Variants in GABRA3 observed in about 807,000 individuals in gnomAD.
GABRA3 encodes the protein gamma-aminobutyric acid receptor subunit alpha-3.
GABRA3 carries 10 observed loss-of-function variants against 30.1 expected under a neutral mutation model. The ratio of observed to expected loss-of-function variants is 0.33; its 90% CI spans 0.20 to 0.56. The LOEUF (loss-of-function observed/expected upper bound fraction) is 0.56, where lower values mean the gene tolerates loss of function less well. Ranked by LOEUF, GABRA3 falls within the 20% of genes least tolerant of loss-of-function variation. The pLI, the probability that GABRA3 is intolerant of heterozygous loss-of-function variation, is 0.89. For synonymous variants in GABRA3, 151 were observed against 146.8 expected, an observed-to-expected ratio of 1.03 and a Z score of -0.21; for missense variants, 233 against 392.0, an observed-to-expected ratio of 0.59 and a Z score of 3.42.
At chrX:152,253,373 A>G (rs1288962712) in intron 5 of GABRA3, among the ~76,000 whole-genome samples, 2 of 111,511 alleles carry the variant, frequency 1.8e-5, no homozygotes, top group Non-Finnish European at 3.8e-5. Flanking sequence ...GATAATCTAC[A>G]ATCACCTTAA....
chrX:152,359,785 T>C (rs191869646), intron 2 of GABRA3, among the ~76,000 whole-genome samples: 1 of 112,198 alleles, frequency 8.9e-6, no homozygotes, highest in Non-Finnish European at 1.9e-5. Context: ...AATTTCTTTA[T>C]TTCTGCCTTA....
chrX:152,256,131 C>T (rs1275096912), intron 4 of GABRA3, 133 bp from the exon 5 acceptor site: 2 of 476,157 alleles, frequency 4.2e-6, no homozygotes, highest in Admixed American at 6.5e-5. Flanking sequence ...ACAGTAGCTC[C>T]TGGTGTGTAA....
chrX:152,418,022 T>A (rs1225176660), intron 1 of GABRA3, among the ~76,000 whole-genome samples: 1 of 105,011 alleles, frequency 9.5e-6, no homozygotes, highest in Non-Finnish European at 1.9e-5. Context: ...ACTTAATGTA[T>A]AATAAAAAAA....
chrX:152,423,685 A>G (rs968501728), intron 1 of GABRA3, among the ~76,000 whole-genome samples: 1 of 111,666 alleles, frequency 9.0e-6, no homozygotes, highest in Non-Finnish European at 1.9e-5. Context: ...TGTTTGAGCT[A>G]AGCAACAGAC....
intron 7 of GABRA3, among the ~76,000 whole-genome samples, chrX:152,204,356 C>G (rs894569248): frequency 3.6e-5 from 4 of 111,407 alleles, no homozygotes; most frequent in Non-Finnish European, 7.5e-5. Flanking sequence ...CCCTGCCTTT[C>G]TTCCTGCCTT....
At chrX:152,231,182 T>C (rs190421753) in intron 5 of GABRA3, among the ~76,000 whole-genome samples, 34 of 107,562 alleles carry the variant, frequency 3.2e-4, no homozygotes, top group Admixed American at 3.1e-3. Context: ...TATACACACA[T>C]ATGTATATAT....
At chrX:152,234,328 C>T (rs1938153751) in intron 5 of GABRA3, among the ~76,000 whole-genome samples, 1 of 110,647 alleles carries the variant, frequency 9.0e-6, no homozygotes, top group Non-Finnish European at 1.9e-5. Context: ...TTTTTGTTTT[C>T]CTTGCTGATT....
intron 3 of GABRA3, among the ~76,000 whole-genome samples, chrX:152,328,256 A>T (rs1168660503): frequency 8.9e-6 from 1 of 111,800 alleles, no homozygotes; most frequent in Non-Finnish European, 1.9e-5. Flanking sequence ...TTACAGCCAA[A>T]TTCTAGCAGA....
chrX:152,189,620 T>A, intron 9 of GABRA3, 110 bp downstream of exon 9: 1 of 540,695 alleles, frequency 1.8e-6, no homozygotes, highest in Non-Finnish European at 3.1e-6. Context: ...ATGACCCCAG[T>A]GCATAGCACA....
intron 1 of GABRA3, among the ~76,000 whole-genome samples, chrX:152,383,745 C>T (rs1318228023): frequency 9.3e-6 from 1 of 107,502 alleles, no homozygotes; most frequent in Non-Finnish European, 1.9e-5. Context: ...CTGCAGCTAA[C>T]ATCATTCTCG....
intron 5 of GABRA3, among the ~76,000 whole-genome samples, chrX:152,227,982 G>T (rs990247342): frequency 9.0e-6 from 1 of 111,185 alleles, no homozygotes; most frequent in Admixed American, 9.6e-5. Context: ...CTATGTATAA[G>T]GTAGTCATGT....
Position 152,168,583 on chromosome X carries a change from G to T in GABRA3, c.1144-20C>A, listed in dbSNP as rs201874560. ...TTTCTTCTAGAGGCCAGGAAAAAGA[G>T]GGGGGGAAAGGGAGAAAAAAGCAAA... On this transcript the variant is annotated intron_variant, in intron 9 of 9. Coordinates refer to ENST00000370314, the MANE Select transcript of GABRA3 (RefSeq NM_000808.4). 20 of 1,109,281 alleles carry T rather than the reference G, an allele frequency of 1.8e-5. No individual in the cohort carries two copies. The highest frequency in any genetic ancestry group is 7.7e-5 in the South Asian group (4 of 52,249). The allele number at this position is 1,109,281 out of a possible 1,213,427, so 91.4% of individuals were successfully genotyped here.
At chrX:152,220,142 G>C (rs758442166) in intron 6 of GABRA3, among the ~76,000 whole-genome samples, 1 of 111,427 alleles carries the variant, frequency 9.0e-6, no homozygotes, top group East Asian at 2.8e-4. Flanking sequence ...AGTGTTTTAA[G>C]AATAACATTG....
At chrX:152,207,615 C>T (rs1437904305) in intron 7 of GABRA3, among the ~76,000 whole-genome samples, 3 of 112,143 alleles carry the variant, frequency 2.7e-5, no homozygotes, top group Non-Finnish European at 5.6e-5. Flanking sequence ...CACCTCAGCA[C>T]AGGCTGAGTT....
chrX:152,307,062 G>A (rs1171036156), intron 3 of GABRA3, among the ~76,000 whole-genome samples: 2 of 110,816 alleles, frequency 1.8e-5, no homozygotes, highest in Non-Finnish European at 3.8e-5. Context: ...CATGAATGAG[G>A]TATAAAGAAG....
At chrX:152,423,783 G>T (rs1222850275) in intron 1 of GABRA3, among the ~76,000 whole-genome samples, 1 of 111,130 alleles carries the variant, frequency 9.0e-6, no homozygotes, top group Non-Finnish European at 1.9e-5. Context: ...ATACAAAATT[G>T]AAGAAAGGAT....
intron 2 of GABRA3, among the ~76,000 whole-genome samples, chrX:152,355,717 C>T (rs1314059344): frequency 1.8e-5 from 2 of 111,899 alleles, no homozygotes; most frequent in Non-Finnish European, 3.8e-5. Flanking sequence ...TAGGCACTTA[C>T]GTGTTGACCC....
At chrX:152,242,357 G>A (rs1196815610) in intron 5 of GABRA3, among the ~76,000 whole-genome samples, 2 of 111,415 alleles carry the variant, frequency 1.8e-5, no homozygotes, top group African/African-American at 6.5e-5. Flanking sequence ...CCTGGGCAAT[G>A]ATATTTTTTG....
chrX:152,293,977 AGTTT>A (rs1939474772), intron 3 of GABRA3, among the ~76,000 whole-genome samples: 2 of 111,730 alleles, frequency 1.8e-5, no homozygotes, highest in African/African-American at 6.5e-5. Flanking sequence ...TGGCCTGTAG[AGTTT>A]CTGCCAAGAG....
Sources: gnomAD v4.1 joint callset for allele counts (sites outside exome capture counted in the v4.1 genomes callset) on GRCh38, gnomAD v4.1.1 for gene constraint, MANE v1.5 for transcripts, NCBI Gene and HGNC (gene_info 2026-07-23, HGNC 2026-07-21) for gene names.